Variants in PRRG1 observed in about 807,000 individuals in gnomAD.
PRRG1 encodes transmembrane gamma-carboxyglutamic acid protein 1.
In PRRG1, 5 loss-of-function variants were observed where a neutral mutation model predicts 11.8. That is an observed-to-expected ratio of 0.42 (90% CI 0.22 to 0.89). The LOEUF is 0.89. Among genes scored for constraint, PRRG1 ranks in the 40% least tolerant of loss-of-function variants. PRRG1 has a pLI of 0.28. For missense variants in PRRG1, 155 were observed against 166.1 expected (o/e 0.93, Z 0.37); for synonymous variants, 66 against 60.4 (o/e 1.09, Z -0.43).
chrX:37,378,107 A>G (rs1428425909), intron 1 of PRRG1, among the ~76,000 whole-genome samples: 1 of 112,300 alleles, frequency 8.9e-6, no homozygotes, highest in Non-Finnish European at 1.9e-5. Context: ...ATGGATATTC[A>G]TGAATGTCAC....
At chrX:37,425,630 G>A (rs1383343134) in intron 2 of PRRG1, 2 of 348,627 alleles carry the variant, frequency 5.7e-6, no homozygotes, top group Admixed American at 5.4e-5. Flanking sequence ...TTATGTCACT[G>A]TCCCTGCCCA....
chrX:37,375,086 T>A (rs1202803005), intron 1 of PRRG1, among the ~76,000 whole-genome samples: 6 of 112,210 alleles, frequency 5.3e-5, no homozygotes, highest in African/African-American at 1.9e-4. Flanking sequence ...CAACTTTTTC[T>A]TAAGATCTGA....
rs372078017 is a variant in PRRG1, at chrX:37,453,125, T to C, written c.172-11T>C. 2 of 1,180,948 alleles carry C rather than the reference T, an allele frequency of 1.7e-6. No individual in the cohort carries two copies. The highest frequency in any genetic ancestry group is 2.3e-6 in the Non-Finnish European group (2 of 875,030). On this transcript the variant is annotated splice_polypyrimidine_tract_variant and intron_variant, in intron 3 of 3. Transcript: ENST00000378628. ...TACTGATTTTCTATTTATTTTGTAT[T>C]GTATTTTCAGAAGGAGTTTTGGAGC... is the stretch of plus-strand genomic sequence containing the variant.
chrX:37,381,669 CTTTTA>C (rs1208920291), intron 1 of PRRG1, among the ~76,000 whole-genome samples: 2 of 111,088 alleles, frequency 1.8e-5, no homozygotes, highest in Non-Finnish European at 3.8e-5. Flanking sequence ...TATTTTTAAA[CTTTTA>C]TTTTATCTTC....
intron 1 of PRRG1, among the ~76,000 whole-genome samples, chrX:37,394,004 G>A (rs1427593916): frequency 2.7e-5 from 3 of 111,732 alleles, no homozygotes; most frequent in Admixed American, 1.9e-4. Context: ...GTGTTGATAA[G>A]TTTTAAAAAA....
At chrX:37,391,251 C>T (rs781891854) in intron 1 of PRRG1, among the ~76,000 whole-genome samples, 7 of 111,316 alleles carry the variant, frequency 6.3e-5, no homozygotes, top group African/African-American at 9.8e-5. Flanking sequence ...TTGCTTTTCC[C>T]GAGTACCTTA....
At chrX:37,405,551 T>C (rs1168781375) in intron 1 of PRRG1, among the ~76,000 whole-genome samples, 3 of 111,374 alleles carry the variant, frequency 2.7e-5, no homozygotes, top group Non-Finnish European at 5.7e-5. Flanking sequence ...TGAGTGTTTT[T>C]TTTTTTCATC....
chrX:37,398,249 G>T (rs782046577), intron 1 of PRRG1, among the ~76,000 whole-genome samples: 1 of 110,816 alleles, frequency 9.0e-6, no homozygotes, highest in African/African-American at 3.3e-5. Context: ...GCGGACTGAC[G>T]CCTCACACGG....
intron 1 of PRRG1, among the ~76,000 whole-genome samples, chrX:37,402,737 GA>G (rs1488485459): frequency 9.0e-6 from 1 of 111,258 alleles, no homozygotes; most frequent in African/African-American, 3.3e-5. Context: ...CTACTCATCT[GA>G]CAAAGGGCTA....
intron 3 of PRRG1, among the ~76,000 whole-genome samples, chrX:37,432,188 C>T (rs1270008724): frequency 3.7e-5 from 4 of 108,245 alleles, no homozygotes; most frequent in Admixed American, 9.8e-5. Flanking sequence ...CCCGGGTTCA[C>T]GCCATTCTCC....
At chrX:37,407,548 A>T (rs1362860186) in intron 2 of PRRG1, among the ~76,000 whole-genome samples, 1 of 111,864 alleles carries the variant, frequency 8.9e-6, no homozygotes, top group African/African-American at 3.3e-5. Flanking sequence ...ACCTTGATCA[A>T]ATCCTAGAAC....
chrX:37,372,639 T>C (rs782587413), intron 1 of PRRG1, among the ~76,000 whole-genome samples: 16 of 112,649 alleles, frequency 1.4e-4, no homozygotes, highest in Non-Finnish European at 2.8e-4. Context: ...TAAATTGGAC[T>C]ATTTGTTTTC....
chrX:37,390,299 T>C (rs1489050616), intron 1 of PRRG1, among the ~76,000 whole-genome samples: 1 of 111,546 alleles, frequency 9.0e-6, no homozygotes, highest in African/African-American at 3.3e-5. Flanking sequence ...ATATGAATTT[T>C]GGAGGGACAC....
At chrX:37,442,902 A>G (rs1157659722) in intron 3 of PRRG1, among the ~76,000 whole-genome samples, 2 of 111,929 alleles carry the variant, frequency 1.8e-5, no homozygotes, top group Admixed American at 9.5e-5. Context: ...CTTCCAATAA[A>G]CTAATATGGA....
At chrX:37,401,196 G>C (rs1269073978) in intron 1 of PRRG1, among the ~76,000 whole-genome samples, 4 of 110,763 alleles carry the variant, frequency 3.6e-5, no homozygotes, top group African/African-American at 1.3e-4. Context: ...GAGAATTTTA[G>C]ACCAATATCC....
At chrX:37,355,972 T>G (rs1388194156) in intron 1 of PRRG1, among the ~76,000 whole-genome samples, 2 of 112,350 alleles carry the variant, frequency 1.8e-5, no homozygotes, top group Non-Finnish European at 3.8e-5. Flanking sequence ...AAGTTTCATA[T>G]GATTTTCATT....
At chrX:37,363,248 T>C (rs1930468322) in intron 1 of PRRG1, among the ~76,000 whole-genome samples, 1 of 110,103 alleles carries the variant, frequency 9.1e-6, no homozygotes, top group Admixed American at 9.6e-5. Flanking sequence ...AGCATGGAGC[T>C]TTTTTTTTAG....
intron 1 of PRRG1, among the ~76,000 whole-genome samples, chrX:37,385,567 T>C (rs1931298034): frequency 9.0e-6 from 1 of 110,940 alleles, no homozygotes; most frequent in African/African-American, 3.3e-5. Flanking sequence ...CATAACAAAT[T>C]ACCCCAAAAC....
intron 3 of PRRG1, among the ~76,000 whole-genome samples, chrX:37,426,987 A>G (rs1176323656): frequency 8.9e-6 from 1 of 112,077 alleles, no homozygotes; most frequent in African/African-American, 3.2e-5. Flanking sequence ...TTTTTACTAC[A>G]TAGATACTTC....
Sources: gnomAD v4.1 joint callset for allele counts (sites outside exome capture counted in the v4.1 genomes callset) on GRCh38, gnomAD v4.1.1 for gene constraint, MANE v1.5 for transcripts, NCBI Gene and HGNC (gene_info 2026-07-23, HGNC 2026-07-21) for gene names.